The following EFNA5 variants were observed in gnomAD, a reference collection of about 807,000 sequenced individuals.
The protein encoded by EFNA5 is ephrin-A5.
Under a neutral mutation model 22.9 loss-of-function variants are expected in EFNA5, and 5 were observed. The ratio of observed to expected loss-of-function variants is 0.22; its 90% CI spans 0.11 to 0.46. EFNA5 has a LOEUF of 0.46. Ranked by LOEUF, EFNA5 falls within the 20% of genes least tolerant of loss-of-function variation. EFNA5 has a pLI of 0.99. For missense variants in EFNA5, 237 were observed against 293.3 expected (o/e 0.81, Z 1.40); for synonymous variants, 113 against 112.2 (o/e 1.01, Z -0.04).
intron 4 of EFNA5, among the ~76,000 whole-genome samples, chr5:107,386,573 A>G (rs1302859960): frequency 1.3e-5 from 2 of 152,162 alleles, no homozygotes; most frequent in Admixed American, 6.6e-5. Flanking sequence ...TTTATCCTTA[A>G]AACTTATTTT....
intron 1 of EFNA5, among the ~76,000 whole-genome samples, chr5:107,486,439 A>C (rs26238): frequency 0.059 from 8,967 of 152,270 alleles, 553 homozygotes; most frequent in East Asian, 0.18. Flanking sequence ...AATTCTAAAA[A>C]AAAATGCATA....
At chr5:107,537,107 GA>G (rs34139433) in intron 1 of EFNA5, among the ~76,000 whole-genome samples, 33,241 of 131,202 alleles carry the variant, frequency 0.25, 4,920 homozygotes, top group Middle Eastern at 0.45. Flanking sequence ...CCGCCTCAAA[GA>G]AAAAAAAAAA....
intron 1 of EFNA5, among the ~76,000 whole-genome samples, chr5:107,475,244 T>C (rs3852199): frequency 0.046 from 6,981 of 152,318 alleles, 247 homozygotes; most frequent in Admixed American, 0.11. Context: ...TGGATTAACA[T>C]ACAAGAGCTT....
chr5:107,433,390 C>T (rs1749016945), intron 1 of EFNA5, among the ~76,000 whole-genome samples: 1 of 152,108 alleles, frequency 6.6e-6, no homozygotes, highest in African/African-American at 2.4e-5. Flanking sequence ...GAATTATGTA[C>T]TTTATGGTAG....
intron 1 of EFNA5, among the ~76,000 whole-genome samples, chr5:107,637,637 ATG>A (rs1046723528): frequency 6.7e-6 from 1 of 150,048 alleles, no homozygotes; most frequent in Non-Finnish European, 1.5e-5. Context: ...CATATAGTGT[ATG>A]TGTGTGTGTA....
chr5:107,430,048 C>T (rs1748907263), intron 1 of EFNA5, among the ~76,000 whole-genome samples: 1 of 152,164 alleles, frequency 6.6e-6, no homozygotes, highest in Admixed American at 6.5e-5. Flanking sequence ...TCCCAAACTA[C>T]ATAACCATTT....
rs184643397 is a variant in EFNA5 at position 107,589,286 on chromosome 5, A to G, written c.125+81203T>C. Among the ~76,000 whole-genome samples the G allele has an allele frequency of 1.8e-3, 281 of 152,310 alleles. 1 individual carries two copies. Among genetic ancestry groups the G allele is most frequent in the Non-Finnish European group, 3.0e-3 (206 of 68,026 alleles). On this transcript the variant is annotated intron_variant, in intron 1 of 4. Transcript: ENST00000333274. ...ACTTGCTCATAAGACCAAGCCCAAA[A>G]TTGCTTAAAGAACCAGAATTGGTCA...
At position 107,376,924 on chromosome 5, in the gene EFNA5, T is replaced by C. The variant is rs1460251211; in HGVS notation, c.*4331A>G. On this transcript the variant is annotated 3_prime_UTR_variant, in exon 5 of 5. Coordinates refer to ENST00000333274, the MANE Select transcript of EFNA5 (RefSeq NM_001962.3). Reference sequence around the variant, plus strand: ...ATGATGAAAATCTTTAATTTTTATTTAGTTATACTTGTACGGACACGTGTA... The same window carrying C: ...ATGATGAAAATCTTTAATTTTTATTCAGTTATACTTGTACGGACACGTGTA... The C allele has an allele frequency of 6.6e-6, 1 of 151,932 alleles. No individual in the cohort carries two copies. Among genetic ancestry groups the C allele is most frequent in the Non-Finnish European group, 1.5e-5 (1 of 68,022 alleles). The allele number at this position is 151,932 out of a possible 1,614,324, so 9.4% of individuals were successfully genotyped here. A position where few individuals can be genotyped will look rare whatever the true frequency, so the allele number is the denominator to read the frequency against.
At chr5:107,668,570 G>A (rs2112565763) in intron 1 of EFNA5, among the ~76,000 whole-genome samples, 1 of 152,260 alleles carries the variant, frequency 6.6e-6, no homozygotes, top group Non-Finnish European at 1.5e-5. Context: ...ATAAATGAAT[G>A]CCATGAGAAA....
intron 1 of EFNA5, among the ~76,000 whole-genome samples, chr5:107,639,005 G>A (rs1750445122): frequency 6.6e-6 from 1 of 152,158 alleles, no homozygotes; most frequent in Non-Finnish European, 1.5e-5. Context: ...AAAGATACAT[G>A]TGGTGTGTTG....
Position 107,646,690 on chromosome 5 carries a change from G to A in EFNA5, c.125+23799C>T, listed in dbSNP as rs1750639007. On this transcript the variant is annotated intron_variant, in intron 1 of 4. Coordinates refer to ENST00000333274, the MANE Select transcript of EFNA5 (RefSeq NM_001962.3). ...TATCTTATTGAAATGGGAAGCTGTT[G>A]AGAAAACATTCAACTGCTTCTGAAA... 3.3e-5 allele frequency among the ~76,000 whole-genome samples: 5 copies of A among 152,110 alleles called. No individual in the cohort carries two copies. The South Asian group carries it at 1.0e-3, about 31-fold the overall frequency.
At chr5:107,641,450 T>C (rs532741917) in intron 1 of EFNA5, among the ~76,000 whole-genome samples, 2 of 152,256 alleles carry the variant, frequency 1.3e-5, no homozygotes, top group Middle Eastern at 3.4e-3. Flanking sequence ...CAATTTCCAG[T>C]GCTTATAATT....
intron 1 of EFNA5, among the ~76,000 whole-genome samples, chr5:107,625,738 C>A (rs1345507972): frequency 6.6e-6 from 1 of 152,150 alleles, no homozygotes; most frequent in African/African-American, 2.4e-5. Context: ...ATGACACTTT[C>A]CATAATTCAA....
chr5:107,567,007 T>C (rs1292769992), intron 1 of EFNA5, among the ~76,000 whole-genome samples: 1 of 152,244 alleles, frequency 6.6e-6, no homozygotes, highest in Non-Finnish European at 1.5e-5. Flanking sequence ...GATAAGTTAA[T>C]ATTTACTTTA....
In EFNA5 at chr5:107,570,330, C is replaced by T. The variant is rs1020674884; in HGVS notation, c.125+100159G>A. 3.3e-5 allele frequency among the ~76,000 whole-genome samples: 5 copies of T among 152,318 alleles called. No individual in the cohort carries two copies. In the South Asian group the frequency reaches 6.2e-4, roughly 19 times the overall value. ...ACACAGTGAATCCAAATGATTCCCA[C>T]GTTCTGCTGCCTCCGGAAACCTCAC... On this transcript the variant is annotated intron_variant, in intron 1 of 4. Coordinates refer to ENST00000333274, the MANE Select transcript of EFNA5 (RefSeq NM_001962.3).
At chr5:107,611,898 G>T (rs1438288283) in intron 1 of EFNA5, among the ~76,000 whole-genome samples, 1 of 152,222 alleles carries the variant, frequency 6.6e-6, no homozygotes, top group African/African-American at 2.4e-5. Flanking sequence ...TATGTAAGGA[G>T]TAGTTATTTC....
At chr5:107,570,595 G>C (rs73198667) in intron 1 of EFNA5, among the ~76,000 whole-genome samples, 2 of 151,684 alleles carry the variant, frequency 1.3e-5, no homozygotes, top group Non-Finnish European at 2.9e-5. Context: ...TGAACAATGA[G>C]GCTCTGGGAA....
Position 107,380,439 on chromosome 5 carries a change from A to G in EFNA5, c.*816T>C, listed in dbSNP as rs7729948. The G allele has an allele frequency of 0.036, 7,255 of 201,702 alleles. 547 individuals carry two copies. The highest frequency in any genetic ancestry group is 0.16 in the African/African-American group (6,598 of 41,134). 12.5% of individuals were successfully genotyped at this position (201,702 alleles called of 1,614,324 possible). On this transcript the variant is annotated 3_prime_UTR_variant, in exon 5 of 5. Coordinates refer to ENST00000333274, the MANE Select transcript of EFNA5 (RefSeq NM_001962.3). ...TGTAGCACCATGGTGATCTGTATTC[A>G]AAGAAAAAATATCTGGTGTGCACTG...
At chr5:107,553,285 C>T (rs1561430972) in intron 1 of EFNA5, among the ~76,000 whole-genome samples, 1 of 152,212 alleles carries the variant, frequency 6.6e-6, no homozygotes, top group Non-Finnish European at 1.5e-5. Context: ...CCCAGTGACC[C>T]TGCCATGGCT....
Sources: gnomAD v4.1 joint callset for allele counts (sites outside exome capture counted in the v4.1 genomes callset) on GRCh38, gnomAD v4.1.1 for gene constraint, MANE v1.5 for transcripts, NCBI Gene and HGNC (gene_info 2026-07-23, HGNC 2026-07-21) for gene names.